RHOT1: variants seen among roughly 807,000 people sequenced by gnomAD.
RHOT1 encodes ras homolog family member T1, also known as mitochondrial Rho GTPase 1.
In RHOT1, 27 loss-of-function variants were observed where a neutral mutation model predicts 95.3. The observed-to-expected ratio is 0.28, with a 90% CI of 0.21 to 0.39. RHOT1 has a LOEUF of 0.39. Among genes scored for constraint, RHOT1 ranks in the 10% least tolerant of loss-of-function variants. The pLI, the probability that RHOT1 is intolerant of heterozygous loss-of-function variation, is 1.00. For missense variants in RHOT1, 578 were observed against 786.7 expected, an observed-to-expected ratio of 0.73 and a Z score of 3.17; for synonymous variants, 227 against 263.5, an observed-to-expected ratio of 0.86 and a Z score of 1.34.
chr17:32,220,673 A>G (rs1167358800), intron 19 of RHOT1, among the ~76,000 whole-genome samples: 2 of 151,766 alleles, frequency 1.3e-5, no homozygotes, highest in Non-Finnish European at 2.9e-5. Context: ...CATCTCTACT[A>G]AAAATACCAA....
At position 32,199,390 on chromosome 17, in the gene RHOT1, C is replaced by T. The variant is rs199500911; in HGVS notation, c.955-15C>T. ...CTTAGATATCTAAACATTCTGTATC[C>T]TTGTGTTTCTTCAGGATAGAGACTG... On this transcript the variant is annotated splice_polypyrimidine_tract_variant and intron_variant, in intron 12 of 19. Coordinates refer to ENST00000545287, the MANE Select transcript of RHOT1 (RefSeq NM_001033566.3). 6.3e-7 allele frequency: 1 copy of T among 1,599,440 alleles called. No homozygotes were observed. Among genetic ancestry groups the T allele is most frequent in the Non-Finnish European group, 8.5e-7 (1 of 1,175,468 alleles).
At chr17:32,164,709 C>T (rs1012976957) in intron 1 of RHOT1, among the ~76,000 whole-genome samples, 1 of 140,584 alleles carries the variant, frequency 7.1e-6, no homozygotes. Flanking sequence ...ACTAAAAATA[C>T]AAAAAATTAG....
intron 6 of RHOT1, among the ~76,000 whole-genome samples, chr17:32,177,986 A>C: frequency 6.6e-6 from 1 of 150,762 alleles, no homozygotes; most frequent in Non-Finnish European, 1.5e-5. Flanking sequence ...CACCACACCC[A>C]GCTAATTTTT....
At chr17:32,218,753 G>T (rs536420038) in intron 19 of RHOT1, among the ~76,000 whole-genome samples, 1 of 152,140 alleles carries the variant, frequency 6.6e-6, no homozygotes, top group Non-Finnish European at 1.5e-5. Flanking sequence ...GGTTGAGGCT[G>T]CAGTGAGCTG....
At chr17:32,152,510 C>T (rs963503842) in intron 1 of RHOT1, among the ~76,000 whole-genome samples, 2 of 152,028 alleles carry the variant, frequency 1.3e-5, no homozygotes, top group African/African-American at 2.4e-5. Context: ...CCTTCAGACA[C>T]CCACTTGGGT....
chr17:32,152,500 C>T (rs984746205), intron 1 of RHOT1, among the ~76,000 whole-genome samples: 1 of 151,950 alleles, frequency 6.6e-6, no homozygotes, highest in Admixed American at 6.6e-5. Flanking sequence ...CTCTCTTGGA[C>T]CTTCAGACAC....
In RHOT1 at chr17:32,151,159, G is replaced by A. The variant is rs140452408; in HGVS notation, c.37+8430G>A. The A allele has an allele frequency of 1.4e-5, 11 of 794,322 alleles. No homozygotes were observed. The African/African-American group carries it at 1.7e-4, about 12-fold the overall frequency. The allele number at this position is 794,322 out of a possible 1,614,324, so 49.2% of individuals were successfully genotyped here. On this transcript the variant is annotated intron_variant, in intron 1 of 19. Transcript: ENST00000545287. ...GGTTCTTTACTGTTGACTCTGGTAG[G>A]TTGAGTTTCAAAGCTAGTTTCTCCT...
At chr17:32,203,254 TTTC>T (rs1223623021) in intron 15 of RHOT1, among the ~76,000 whole-genome samples, 76 of 126,780 alleles carry the variant, frequency 6.0e-4, no homozygotes, top group Middle Eastern at 3.9e-3. Context: ...ACATATTTCT[TTTC>T]TTCTTCTTCT....
At chr17:32,204,417 G>T (rs1247323082) in intron 16 of RHOT1, among the ~76,000 whole-genome samples, 1 of 151,710 alleles carries the variant, frequency 6.6e-6, no homozygotes. Flanking sequence ...GGGCATGGTG[G>T]TTCATGCCTG....
intron 8 of RHOT1, among the ~76,000 whole-genome samples, chr17:32,186,555 C>T (rs761152863): frequency 2.6e-5 from 4 of 151,884 alleles, no homozygotes; most frequent in East Asian, 1.9e-4. Flanking sequence ...TTAGTAGAGA[C>T]GGGGTTTCAC....
chr17:32,208,205 C>G lies in RHOT1; in HGVS notation c.1635C>G (p.Phe545Leu). The G allele has an allele frequency of 6.2e-7, 1 of 1,614,094 alleles. No individual in the cohort carries two copies. The highest frequency in any genetic ancestry group is 8.5e-7 in the Non-Finnish European group (1 of 1,179,948). ...AATACAGTATTTCACCTACTGATTT[C>G]TGCAGGAAACACAAAATGCCTCCAC... The part of the protein sequence containing the change: ...KQEYSISPTD[F>L]CRKHKMPPPQ... Residue 545 changes from phenylalanine (F) to leucine (L), a missense_variant, in exon 18 of 20, where the codon TTC becomes TTG. By Grantham distance (22) the Phe-to-Leu change is conservative. Coordinates refer to ENST00000545287, the MANE Select transcript of RHOT1 (RefSeq NM_001033566.3).
At chr17:32,181,060 C>T (rs1308898970) in intron 6 of RHOT1, among the ~76,000 whole-genome samples, 2 of 152,168 alleles carry the variant, frequency 1.3e-5, no homozygotes, top group African/African-American at 2.4e-5. Context: ...ATATGGTGGT[C>T]GGTCTTTTCA....
intron 1 of RHOT1, among the ~76,000 whole-genome samples, chr17:32,169,835 G>A (rs73286132): frequency 0.011 from 1,715 of 151,940 alleles, 34 homozygotes; most frequent in African/African-American, 0.039. Context: ...ACGAAACCCT[G>A]TCCCTATTAA....
At chr17:32,219,078 G>A (rs1206698032) in intron 19 of RHOT1, among the ~76,000 whole-genome samples, 1 of 152,088 alleles carries the variant, frequency 6.6e-6, no homozygotes, top group East Asian at 1.9e-4. Context: ...TCTCTTAGTT[G>A]TATTTTGGAA....
At chr17:32,222,723 G>C (rs574784513) in intron 19 of RHOT1, 1 of 264,820 alleles carries the variant, frequency 3.8e-6, no homozygotes, top group Non-Finnish European at 5.9e-6. Context: ...TGTGAGCTCT[G>C]CTGTGAACTG....
intron 1 of RHOT1, chr17:32,142,949 G>A: frequency 1.4e-6 from 1 of 715,648 alleles, no homozygotes; most frequent in South Asian, 1.5e-5. Flanking sequence ...CCTCACCTGG[G>A]CCCTCCAGAG....
rs144578639 is a variant in RHOT1 at position 32,209,372 on chromosome 17, C to T, written c.1739+1063C>T. 1.6e-4 allele frequency: 251 copies of T among 1,609,672 alleles called. 1 individual carries two copies. In the Middle Eastern group the frequency reaches 2.0e-3, roughly 13 times the overall value. On this transcript the variant is annotated intron_variant, in intron 18 of 19. Coordinates refer to ENST00000545287, the MANE Select transcript of RHOT1 (RefSeq NM_001033566.3). ...CAGAGAGGATCATTACAGAGACAGA[C>T]TCTCCCGAGACATGGGCCACACTGA...
intron 1 of RHOT1, among the ~76,000 whole-genome samples, chr17:32,153,125 G>A (rs1315329667): frequency 6.6e-6 from 1 of 152,126 alleles, no homozygotes; most frequent in African/African-American, 2.4e-5. Flanking sequence ...TTGAATTGTG[G>A]ACTAAAAGGT....
chr17:32,155,445 C>A (rs545815802), intron 1 of RHOT1, among the ~76,000 whole-genome samples: 1 of 152,122 alleles, frequency 6.6e-6, no homozygotes, highest in South Asian at 2.1e-4. Context: ...CAGGTTTGAG[C>A]CACTGCGCCC....
Sources: allele counts gnomAD v4.1 joint callset (sites outside exome capture counted in the v4.1 genomes callset), GRCh38; gene constraint gnomAD v4.1.1; transcripts MANE v1.5; gene names NCBI Gene and HGNC (gene_info 2026-07-23, HGNC 2026-07-21).